The following GUCY1A2 variants were observed in gnomAD, a reference collection of about 807,000 sequenced individuals.
The protein encoded by GUCY1A2 is guanylate cyclase soluble subunit alpha-2.
GUCY1A2 carries 27 observed loss-of-function variants against 63.5 expected under a neutral mutation model. The ratio of observed to expected loss-of-function variants is 0.43; its 90% CI spans 0.31 to 0.59. The LOEUF (loss-of-function observed/expected upper bound fraction) is 0.59. Ranked by LOEUF, GUCY1A2 falls within the 20% of genes least tolerant of loss-of-function variation. The pLI is 0.11. For synonymous variants in GUCY1A2, 364 were observed against 343.5 expected, an observed-to-expected ratio of 1.06 and a Z score of -0.66; for missense variants, 768 against 913.3, an observed-to-expected ratio of 0.84 and a Z score of 2.05.
intron 4 of GUCY1A2, among the ~76,000 whole-genome samples, chr11:106,918,550 C>A (rs1217354731): frequency 1.4e-5 from 2 of 145,564 alleles, no homozygotes; most frequent in Non-Finnish European, 3.1e-5. Context: ...TCCACACGTG[C>A]ACACACATCA....
At chr11:106,822,758 C>T (rs568719099) in intron 4 of GUCY1A2, among the ~76,000 whole-genome samples, 1 of 152,252 alleles carries the variant, frequency 6.6e-6, no homozygotes, top group South Asian at 2.1e-4. Flanking sequence ...CTGTACTCAT[C>T]ATTTTCCCTT....
At chr11:106,720,782 G>A (rs1298694344) in intron 6 of GUCY1A2, among the ~76,000 whole-genome samples, 8 of 152,120 alleles carry the variant, frequency 5.3e-5, no homozygotes, top group Admixed American at 4.6e-4. Context: ...ATGTAATGTG[G>A]TGTCCTAGAT....
In GUCY1A2 at chr11:106,896,021, A is replaced by AT. The variant is rs1414196767; in HGVS notation, c.1206+43438_1206+43439insA. Among the ~76,000 whole-genome samples the AT allele has an allele frequency of 8.7e-3, 1,269 of 145,216 alleles. 8 individuals carry two copies. The highest frequency in any genetic ancestry group is 0.023 in the African/African-American group (915 of 39,548). On this transcript the variant is annotated intron_variant, in intron 4 of 7. Coordinates refer to ENST00000526355, the MANE Select transcript of GUCY1A2 (RefSeq NM_000855.3). ...AAGACTCTGTCTCAAAAAAAAAAAA[A>AT]ATATATATATATAGTATACATATAT...
intron 7 of GUCY1A2, among the ~76,000 whole-genome samples, chr11:106,690,942 C>A (rs1862612664): frequency 6.6e-6 from 1 of 152,170 alleles, no homozygotes; most frequent in African/African-American, 2.4e-5. Flanking sequence ...TGGAAGTCAT[C>A]AGTACTTTTT....
chr11:106,942,919 T>A (rs1394952470), intron 3 of GUCY1A2, among the ~76,000 whole-genome samples: 2 of 152,192 alleles, frequency 1.3e-5, no homozygotes, highest in African/African-American at 4.8e-5. Context: ...GAATACCAGA[T>A]GCTAAAGTGA....
chr11:106,906,330 T>C (rs1023176117), intron 4 of GUCY1A2, among the ~76,000 whole-genome samples: 2 of 151,648 alleles, frequency 1.3e-5, no homozygotes, highest in Non-Finnish European at 2.9e-5. Flanking sequence ...CCAACAAACA[T>C]ATGAAAAAAA....
chr11:106,696,022 G>T (rs1862712500), intron 7 of GUCY1A2, among the ~76,000 whole-genome samples: 1 of 152,068 alleles, frequency 6.6e-6, no homozygotes, highest in Admixed American at 6.6e-5. Context: ...CCCAGGAGTA[G>T]GTACTGATGG....
chr11:106,692,204 A>G (rs1862637428), intron 7 of GUCY1A2, among the ~76,000 whole-genome samples: 1 of 152,042 alleles, frequency 6.6e-6, no homozygotes, highest in African/African-American at 2.4e-5. Context: ...TTCTATATAA[A>G]TCTAAATTAA....
At chr11:106,915,534 A>C (rs1266659635) in intron 4 of GUCY1A2, among the ~76,000 whole-genome samples, 1 of 146,982 alleles carries the variant, frequency 6.8e-6, no homozygotes, top group African/African-American at 2.4e-5. Flanking sequence ...AGATAAAAAA[A>C]CATTTTGTAA....
intron 7 of GUCY1A2, among the ~76,000 whole-genome samples, chr11:106,689,370 A>G (rs1230680002): frequency 6.6e-6 from 1 of 152,200 alleles, no homozygotes; most frequent in Non-Finnish European, 1.5e-5. Context: ...TATATAAAAA[A>G]CAAGTCTCCT....
chr11:106,876,833 G>A (rs555433499), intron 4 of GUCY1A2, among the ~76,000 whole-genome samples: 2 of 152,078 alleles, frequency 1.3e-5, no homozygotes, highest in South Asian at 4.2e-4. Context: ...TTTCCACTGT[G>A]GTAGAAAGAA....
intron 1 of GUCY1A2, among the ~76,000 whole-genome samples, chr11:107,016,770 G>C (rs1432805513): frequency 6.6e-6 from 1 of 152,052 alleles, no homozygotes; most frequent in Non-Finnish European, 1.5e-5. Context: ...CCATTGAGGA[G>C]AGAGTAAAGG....
At chr11:106,939,233 G>C (rs1565337623) in intron 4 of GUCY1A2, among the ~76,000 whole-genome samples, 1 of 152,134 alleles carries the variant, frequency 6.6e-6, no homozygotes, top group Non-Finnish European at 1.5e-5. Context: ...ATTAATAAAT[G>C]TCTTCTTTTT....
In GUCY1A2 at chr11:106,677,252, G is replaced by A; in HGVS notation, c.*10297C>T. The A allele has an allele frequency of 4.5e-6, 1 of 219,790 alleles. No homozygotes were observed. The highest frequency in any genetic ancestry group is 9.2e-6 in the Non-Finnish European group (1 of 109,246). The allele number at this position is 219,790 out of a possible 1,614,324, so 13.6% of individuals were successfully genotyped here. ...AATGGAAAAAAGAGGAGCTAAGCAT[G>A]CTAACAAGTTTTAAAGCCTAATTAA... On this transcript the variant is annotated 3_prime_UTR_variant, in exon 8 of 8. Coordinates refer to ENST00000526355, the MANE Select transcript of GUCY1A2 (RefSeq NM_000855.3).
At chr11:106,993,229 A>AT (rs1237898478) in intron 1 of GUCY1A2, among the ~76,000 whole-genome samples, 1 of 152,204 alleles carries the variant, frequency 6.6e-6, no homozygotes, top group African/African-American at 2.4e-5. Context: ...CAAAGTGGAG[A>AT]TCACCACCTT....
intron 1 of GUCY1A2, among the ~76,000 whole-genome samples, chr11:107,015,384 A>T (rs1026019121): frequency 2.6e-5 from 4 of 152,098 alleles, no homozygotes; most frequent in Non-Finnish European, 5.9e-5. Flanking sequence ...ATTCAAATTT[A>T]ACTTATAAAA....
At chr11:106,841,910 A>G (rs914856199) in intron 4 of GUCY1A2, among the ~76,000 whole-genome samples, 1 of 151,846 alleles carries the variant, frequency 6.6e-6, no homozygotes, top group Non-Finnish European at 1.5e-5. Context: ...ATCATGTTAG[A>G]TATTCTGAAT....
At chr11:106,857,930 G>A (rs1231227253) in intron 4 of GUCY1A2, among the ~76,000 whole-genome samples, 3 of 152,060 alleles carry the variant, frequency 2.0e-5, no homozygotes, top group Non-Finnish European at 4.4e-5. Flanking sequence ...ATCTGTCAGG[G>A]ATCCTGGAAC....
intron 6 of GUCY1A2, among the ~76,000 whole-genome samples, chr11:106,768,211 C>T (rs1173256589): frequency 6.6e-6 from 1 of 152,164 alleles, no homozygotes; most frequent in Non-Finnish European, 1.5e-5. Flanking sequence ...TGGTGTCTAA[C>T]TCCTGGATTA....
Sources: allele counts gnomAD v4.1 joint callset (sites outside exome capture counted in the v4.1 genomes callset), GRCh38; gene constraint gnomAD v4.1.1; transcripts MANE v1.5; gene names NCBI Gene and HGNC (gene_info 2026-07-23, HGNC 2026-07-21).